FAM107B: variants seen among roughly 807,000 people sequenced by gnomAD.
FAM107B encodes protein FAM107B.
FAM107B carries 21 observed loss-of-function variants against 31.5 expected under a neutral mutation model. That is an observed-to-expected ratio of 0.67 (90% CI 0.47 to 0.96). FAM107B has a LOEUF of 0.96. Ranked by LOEUF, FAM107B falls within the 40% of genes least tolerant of loss-of-function variation. The probability of loss-of-function intolerance (pLI) is 0.00; values close to 1 mark genes in which losing one functional copy is unlikely to be tolerated. For missense variants in FAM107B, 452 were observed against 377.1 expected (o/e 1.20, Z -1.64); for synonymous variants, 157 against 141.5 (o/e 1.11, Z -0.78).
intron 1 of FAM107B, among the ~76,000 whole-genome samples, chr10:14,748,943 G>T (rs1431199322): frequency 1.3e-5 from 2 of 152,230 alleles, no homozygotes; most frequent in Non-Finnish European, 2.9e-5. Flanking sequence ...GCGCCCACTG[G>T]CCTGGATTTT....
At chr10:14,630,292 A>AAG (rs1278266273) in intron 2 of FAM107B, among the ~76,000 whole-genome samples, 1 of 151,890 alleles carries the variant, frequency 6.6e-6, no homozygotes, top group East Asian at 1.9e-4. Flanking sequence ...AAAAAAAAAA[A>AAG]AAAATGGAAA....
At chr10:14,554,214 C>T (rs973657606) in intron 2 of FAM107B, 14 of 927,962 alleles carry the variant, frequency 1.5e-5, no homozygotes, top group Middle Eastern at 5.5e-4. Context: ...TCCACAAACA[C>T]ACCTCCCCCA....
chr10:14,647,185 A>G (rs1462649065), intron 2 of FAM107B, among the ~76,000 whole-genome samples: 1 of 152,114 alleles, frequency 6.6e-6, no homozygotes, highest in Admixed American at 6.5e-5. Flanking sequence ...ACACTCAATT[A>G]TAATTACAAA....
At chr10:14,630,011 A>C (rs1853312712) in intron 2 of FAM107B, among the ~76,000 whole-genome samples, 1 of 152,156 alleles carries the variant, frequency 6.6e-6, no homozygotes. Flanking sequence ...TTACACAACA[A>C]ATGAACAATA....
chr10:14,744,855 C>A (rs1373953590), intron 1 of FAM107B, among the ~76,000 whole-genome samples: 11 of 152,124 alleles, frequency 7.2e-5, no homozygotes, highest in Admixed American at 7.2e-4. Flanking sequence ...CCTCTTTGTA[C>A]CTCTGGTAGA....
intron 2 of FAM107B, among the ~76,000 whole-genome samples, chr10:14,584,850 A>G (rs12260535): frequency 8.7e-4 from 132 of 152,298 alleles, no homozygotes; most frequent in African/African-American, 3.1e-3. Flanking sequence ...CTTCCAACCA[A>G]TCAGGCTGGT....
chr10:14,670,418 G>C (rs1249271105), intron 1 of FAM107B, among the ~76,000 whole-genome samples: 1 of 152,150 alleles, frequency 6.6e-6, no homozygotes, highest in Non-Finnish European at 1.5e-5. Context: ...GTAAATAACA[G>C]AAAAGCCCCA....
intron 2 of FAM107B, among the ~76,000 whole-genome samples, chr10:14,544,909 T>C (rs928672732): frequency 1.3e-5 from 2 of 152,286 alleles, no homozygotes; most frequent in South Asian, 2.1e-4. Flanking sequence ...AATGCCTACG[T>C]GTGTGTCTGT....
intron 2 of FAM107B, among the ~76,000 whole-genome samples, chr10:14,551,082 C>T (rs1306676737): frequency 6.6e-6 from 1 of 152,170 alleles, no homozygotes; most frequent in Non-Finnish European, 1.5e-5. Context: ...AGCACAAAGG[C>T]CATGAAAAAT....
At chr10:14,752,613 G>C (rs1224716728) in intron 1 of FAM107B, among the ~76,000 whole-genome samples, 2 of 152,110 alleles carry the variant, frequency 1.3e-5, no homozygotes, top group African/African-American at 4.8e-5. Context: ...GAATCTGTTG[G>C]CGACTATAAG....
At chr10:14,649,974 A>G (rs766836281) in intron 2 of FAM107B, among the ~76,000 whole-genome samples, 1 of 152,190 alleles carries the variant, frequency 6.6e-6, no homozygotes, top group African/African-American at 2.4e-5. Context: ...CGTTTCCTCC[A>G]GTATCCTTAA....
chr10:14,681,233 C>G (rs1233229931), intron 1 of FAM107B, among the ~76,000 whole-genome samples: 1 of 152,232 alleles, frequency 6.6e-6, no homozygotes, highest in Non-Finnish European at 1.5e-5. Context: ...CTTCAGCAGG[C>G]CTGGGCCTCT....
chr10:14,650,808 A>G (rs759972951), intron 2 of FAM107B, among the ~76,000 whole-genome samples: 6 of 152,362 alleles, frequency 3.9e-5, no homozygotes, highest in African/African-American at 7.2e-5. Context: ...AAGAAGTCGT[A>G]TATGCTCATA....
intron 2 of FAM107B, among the ~76,000 whole-genome samples, chr10:14,552,563 G>A (rs1447646384): frequency 3.9e-5 from 6 of 152,098 alleles, no homozygotes; most frequent in Admixed American, 6.5e-5. Flanking sequence ...TTGGCCAGGC[G>A]TGGTAGCTCA....
At chr10:14,681,613 C>G (rs1378602948) in intron 1 of FAM107B, among the ~76,000 whole-genome samples, 1 of 152,164 alleles carries the variant, frequency 6.6e-6, no homozygotes, top group Non-Finnish European at 1.5e-5. Context: ...ATGAGGGGGA[C>G]TGTAATTTTC....
At chr10:14,594,582 G>A (rs1161664322) in intron 2 of FAM107B, among the ~76,000 whole-genome samples, 1 of 151,830 alleles carries the variant, frequency 6.6e-6, no homozygotes, top group Non-Finnish European at 1.5e-5. Context: ...GTGAGGCTAC[G>A]AAGACACAAG....
intron 1 of FAM107B, among the ~76,000 whole-genome samples, chr10:14,729,739 G>C (rs962030878): frequency 9.9e-5 from 15 of 152,110 alleles, no homozygotes; most frequent in African/African-American, 1.9e-4. Flanking sequence ...ACATACACAC[G>C]TATGTTTATT....
chr10:14,655,481 G>A (rs1034344991), intron 2 of FAM107B, among the ~76,000 whole-genome samples: 11 of 152,260 alleles, frequency 7.2e-5, no homozygotes, highest in African/African-American at 9.6e-5. Context: ...GCGCAGTGGC[G>A]CAATCTTGGC....
intron 2 of FAM107B, chr10:14,553,391 T>TAA: frequency 2.5e-5 from 28 of 1,125,822 alleles, no homozygotes; most frequent in Admixed American, 8.1e-5. Flanking sequence ...CATTCTCCTT[T>TAA]AAAAAAAAAA....
Sources: allele counts gnomAD v4.1 joint callset (sites outside exome capture counted in the v4.1 genomes callset), GRCh38; gene constraint gnomAD v4.1.1; transcripts MANE v1.5; gene names NCBI Gene and HGNC (gene_info 2026-07-23, HGNC 2026-07-21).